CLEC12A: variants seen among roughly 807,000 people sequenced by gnomAD.
The protein encoded by CLEC12A is C-type lectin domain family 12 member A.
In CLEC12A, 22 loss-of-function variants were observed where a neutral mutation model predicts 26.5. The ratio of observed to expected loss-of-function variants is 0.83; its 90% confidence interval spans 0.59 to 1.19. The LOEUF (loss-of-function observed/expected upper bound fraction) is 1.19, where lower values mean the gene tolerates loss of function less well. Among genes scored for constraint, CLEC12A ranks in the 50% most tolerant of loss-of-function variants. CLEC12A has a pLI of 0.00. For synonymous variants in CLEC12A, 119 were observed against 101.9 expected, an observed-to-expected ratio of 1.17 and a Z score of -1.01; for missense variants, 353 against 315.6, an observed-to-expected ratio of 1.12 and a Z score of -0.90.
intron 1 of CLEC12A, 135 bp from the exon 2 acceptor site, chr12:9,978,830 AT>A (rs1864439595): frequency 3.1e-6 from 2 of 638,926 alleles, no homozygotes; most frequent in Non-Finnish European, 5.6e-6. Flanking sequence ...ATATTCTTGA[AT>A]GGCTAGCAAA....
rs538454527 is a variant in CLEC12A, at chr12:9,964,523, A to G, written c.11-7054A>G. Among the ~76,000 whole-genome samples, 5 of 152,302 alleles carry G rather than the reference A, an allele frequency of 3.3e-5. No homozygotes were observed. In the South Asian group the frequency reaches 1.0e-3, roughly 32 times the overall value. ...TAAAGAATAGAACTTCATCAGGGTG[A>G]AAGTATTGGAGGGTCCCCTGCCAGC... is the stretch of plus-strand genomic sequence containing the variant. On this transcript the variant is annotated intron_variant, in intron 1 of 6. Coordinates refer to the CLEC12A transcript ENST00000355690.
chr12:9,993,037 G>A (rs1257826224), intron 4 of CLEC12A: 3 of 997,876 alleles, frequency 3.0e-6, no homozygotes, highest in East Asian at 4.8e-5. Flanking sequence ...TAACTCCAGT[G>A]AGAAGAAAGG....
intron 1 of CLEC12A, among the ~76,000 whole-genome samples, chr12:9,956,169 C>T (rs966230612): frequency 6.6e-5 from 10 of 152,122 alleles, no homozygotes; most frequent in African/African-American, 2.2e-4. Context: ...TTTAAGAAAA[C>T]CTTGTTCTAA....
downstream of CLEC12A, among the ~76,000 whole-genome samples, chr12:9,988,924 T>A (rs1382426131): frequency 6.6e-6 from 1 of 152,164 alleles, no homozygotes; most frequent in Non-Finnish European, 1.5e-5. Context: ...GTATGTTTAT[T>A]GCAGCACTAT....
rs1864707724 is a variant in CLEC12A at position 9,984,874 on chromosome 12, A to G, written c.646A>G (p.Ile216Val). ...ATTCTTTACTTTCTCTTTCAGGGTT[A>G]TAAGAAACGCACCTGACTTAAATAA... is the stretch of plus-strand genomic sequence containing the variant. ...DNIINSSAWV[I>V]RNAPDLNNMY... The change falls in exon 6 of 6, where the codon ATA (isoleucine) becomes GTA (valine). Residue 216 changes from isoleucine to valine, a missense_variant. Transcript: ENST00000304361. 1 of 1,505,374 alleles carries G rather than the reference A, an allele frequency of 6.6e-7. No individual in the cohort carries two copies. The highest frequency in any genetic ancestry group is 1.4e-5 in the South Asian group (1 of 71,466). The allele number at this position is 1,505,374 out of a possible 1,614,324, so 93.3% of individuals were successfully genotyped here.
chr12:10,004,537 T>G, the CLEC12A span, among the ~76,000 whole-genome samples: 1 of 152,002 alleles, frequency 6.6e-6, no homozygotes, highest in African/African-American at 2.4e-5. Flanking sequence ...TCTTCTCTCC[T>G]TCTCTGTCAT....
downstream of CLEC12A, among the ~76,000 whole-genome samples, chr12:9,989,832 C>T (rs1214842275): frequency 6.6e-6 from 1 of 152,146 alleles, no homozygotes; most frequent in Non-Finnish European, 1.5e-5. Flanking sequence ...AGCTGACTCT[C>T]TTGTTAGGGA....
At chr12:10,001,926 C>A in the CLEC12A span, among the ~76,000 whole-genome samples, 1 of 144,574 alleles carries the variant, frequency 6.9e-6, no homozygotes, top group Admixed American at 7.2e-5. Flanking sequence ...GTCGTCCAGG[C>A]TGGAGTGCAG....
intron 1 of CLEC12A, chr12:9,953,016 C>G (rs1474841401): frequency 2.3e-5 from 3 of 130,362 alleles, no homozygotes; most frequent in Non-Finnish European, 4.8e-5. Flanking sequence ...CCTCTCCGCC[C>G]GGCAGCCACC....
chr12:9,962,589 G>A (rs546854858), intron 1 of CLEC12A, among the ~76,000 whole-genome samples: 1 of 152,222 alleles, frequency 6.6e-6, no homozygotes, highest in Admixed American at 6.5e-5. Context: ...GGTAGGTAGT[G>A]GGAAATTACA....
intron 1 of CLEC12A, among the ~76,000 whole-genome samples, chr12:9,978,278 GTT>G (rs5796377): frequency 6.6e-6 from 1 of 151,330 alleles, no homozygotes; most frequent in African/African-American, 2.4e-5. Flanking sequence ...TATAATTCCT[GTT>G]TTTTTTTTAA....
At chr12:9,998,700 A>G (rs866838814), downstream of CLEC12A, among the ~76,000 whole-genome samples, 1 of 152,020 alleles carries the variant, frequency 6.6e-6, no homozygotes, top group Non-Finnish European at 1.5e-5. Flanking sequence ...TGCCATAAAT[A>G]ATTGCTTTAA....
chr12:9,985,994 C>T (rs1386081548), downstream of CLEC12A: 2 of 224,630 alleles, frequency 8.9e-6, no homozygotes, highest in South Asian at 4.8e-5. Flanking sequence ...TTACAATCTT[C>T]TGCCCCCTCC....
chr12:9,983,698 C>A (rs1323461), intron 5 of CLEC12A: 89,395 of 501,424 alleles, frequency 0.18, 8,813 homozygotes, highest in South Asian at 0.34. Flanking sequence ...GCATACTCAT[C>A]ACATTGGGCC....
At chr12:9,969,930 G>A (rs1235567060), upstream of CLEC12A, among the ~76,000 whole-genome samples, 2 of 152,184 alleles carry the variant, frequency 1.3e-5, no homozygotes, top group African/African-American at 2.4e-5. Context: ...TTCCGCATCT[G>A]TAAAATAAGG....
At chr12:9,998,803 G>A (rs758318086), downstream of CLEC12A, among the ~76,000 whole-genome samples, 2 of 151,998 alleles carry the variant, frequency 1.3e-5, no homozygotes, top group Non-Finnish European at 2.9e-5. Flanking sequence ...CTATGCCCTC[G>A]AGTATTAAAC....
downstream of CLEC12A, among the ~76,000 whole-genome samples, chr12:9,986,742 C>T (rs1169423719): frequency 2.0e-5 from 3 of 152,048 alleles, no homozygotes; most frequent in African/African-American, 7.2e-5. Flanking sequence ...ACCCGGGAGG[C>T]AAAGGTGCCA....
In CLEC12A at chr12:9,971,632, C is replaced by G. The variant is rs1234903246; in HGVS notation, c.36C>G (p.Phe12Leu). 1.9e-6 allele frequency: 3 copies of G among 1,609,432 alleles called. No homozygotes were observed. Among genetic ancestry groups the G allele is most frequent in the Non-Finnish European group, 1.7e-6 (2 of 1,177,846 alleles). ...SEEVTYADLQFQNSSEMEKIP... is the reference protein window; with the variant it reads ...SEEVTYADLQLQNSSEMEKIP... ...AAGTTACTTATGCAGATCTTCAATTCCAGAACTCCAGTGAGATGGAAAAAA... is the reference window on the plus strand; with the variant it reads ...AAGTTACTTATGCAGATCTTCAATTGCAGAACTCCAGTGAGATGGAAAAAA... Residue 12 changes from phenylalanine to leucine, a missense_variant, in exon 1 of 6, where the codon TTC (phenylalanine) becomes TTG (leucine). Phe to Leu is a conservative substitution (Grantham distance 22). Transcript: ENST00000304361.
At chr12:9,993,103 A>G in intron 4 of CLEC12A, 2 of 1,577,806 alleles carry the variant, frequency 1.3e-6, no homozygotes, top group Non-Finnish European at 1.7e-6. Context: ...TTATTGTACA[A>G]TAAAGCCCTT....
Sources: gnomAD v4.1 joint callset for allele counts (sites outside exome capture counted in the v4.1 genomes callset) on GRCh38, gnomAD v4.1.1 for gene constraint, MANE v1.5 for transcripts, NCBI Gene and HGNC (gene_info 2026-07-23, HGNC 2026-07-21) for gene names.